The following LTBP4 variants were observed in gnomAD, a reference collection of about 807,000 sequenced individuals.
LTBP4 encodes the protein latent-transforming growth factor beta-binding protein 4.
LTBP4 carries 93 observed loss-of-function variants against 180.2 expected under a neutral mutation model. That is an observed-to-expected ratio of 0.52 (90% CI 0.44 to 0.61). The LOEUF is 0.61. Among genes scored for constraint, LTBP4 ranks in the 20% least tolerant of loss-of-function variants. The probability of loss-of-function intolerance (pLI) is 0.00; values close to 1 mark genes in which losing one functional copy is unlikely to be tolerated. For missense variants in LTBP4, 2,116 were observed against 2,256.5 expected (o/e 0.94, Z 1.26); for synonymous variants, 947 against 934.5 (o/e 1.01, Z -0.24).
intron 1 of LTBP4, among the ~76,000 whole-genome samples, 168 bp from the exon 2 acceptor site, chr19:40,604,867 T>C (rs1475690024): frequency 6.6e-6 from 1 of 152,148 alleles, no homozygotes; most frequent in Non-Finnish European, 1.5e-5. Context: ...GTACCTCTGA[T>C]GGCTGAACAA....
rs1016361441 is a variant in LTBP4, at chr19:40,609,383, A to G, written c.1427-147A>G. 8.9e-6 allele frequency: 9 copies of G among 1,011,770 alleles called. No individual in the cohort carries two copies. Among genetic ancestry groups the G allele is most frequent in the Non-Finnish European group, 1.0e-5 (7 of 688,942 alleles). 62.7% of individuals were successfully genotyped at this position (1,011,770 alleles called of 1,614,324 possible). A position where few individuals can be genotyped will look rare whatever the true frequency, so the allele number is the denominator to read the frequency against. On this transcript the variant is annotated intron_variant, in intron 9 of 29. Transcript: ENST00000396819. The surrounding 1 kb of genome is among the most constrained non-coding windows in gnomAD (Gnocchi z 4.9). The stretch of plus-strand genomic sequence containing the variant: ...ATGAGAACGTTCCAGGATAAAAAAG[A>G]TGGAGATCAGAAGAAGACTGGGCTT...
In LTBP4 at chr19:40,629,251, TCA is replaced by T. The variant is rs35487927; in HGVS notation, c.4520-140_4520-139del. On this transcript the variant is annotated intron_variant, in intron 29 of 29. Coordinates refer to ENST00000396819, the MANE Select transcript of LTBP4 (RefSeq NM_001042545.2). The surrounding 1 kb of genome is among the most constrained non-coding windows in gnomAD (Gnocchi z 4.5). ...GTGAGGTTAAGCCACCTGGCCGGGC[TCA>T]CACAGTTAGCAGATGGCAGAGGCCA... 0.11 allele frequency: 115,438 copies of T among 1,037,328 alleles called. 7,058 individuals carry two copies. The highest frequency in any genetic ancestry group is 0.19 in the South Asian group (13,916 of 72,456). 64.3% of individuals were successfully genotyped at this position (1,037,328 alleles called of 1,614,324 possible).
At chr19:40,627,495 T>C (rs1256254630) in intron 28 of LTBP4, 140 bp downstream of exon 28, 19 of 1,309,234 alleles carry the variant, frequency 1.5e-5, no homozygotes, top group Non-Finnish European at 3.1e-6. Context: ...CAGAGAAGTG[T>C]CTATAGCCCG....
At chr19:40,620,327 C>T (rs2081577850) in intron 22 of LTBP4, among the ~76,000 whole-genome samples, 1 of 151,920 alleles carries the variant, frequency 6.6e-6, no homozygotes, top group South Asian at 2.1e-4. Context: ...CAACCTCCAC[C>T]TCCTGTGCTC....
Position 40,605,314 on chromosome 19 carries a change from A to T in LTBP4, c.442+88A>T. ...CCTCATATTTCCCGCCTTCCCGAGC[A>T]CCTTTGCCCAGCTCGCCCTCCCCGC... is the stretch of plus-strand genomic sequence containing the variant. On this transcript the variant is annotated intron_variant, in intron 2 of 29. Transcript: ENST00000396819. This position sits in a 1 kb window ranked among gnomAD's most constrained non-coding sequence, Gnocchi z 5.5. 1 of 1,571,794 alleles carries T rather than the reference A, an allele frequency of 6.4e-7. No homozygotes were observed.
rs757243802 is a variant in LTBP4, at chr19:40,619,393, G to C, written c.3117G>C (p.Leu1039=). 2 of 1,613,918 alleles carry C rather than the reference G, an allele frequency of 1.2e-6. No homozygotes were observed. The highest frequency in any genetic ancestry group is 1.7e-6 in the Non-Finnish European group (2 of 1,179,868). Residue 1039 remains leucine (L), a synonymous_variant, in exon 22 of 30, where the codon CTG becomes CTC. Coordinates refer to ENST00000396819, the MANE Select transcript of LTBP4 (RefSeq NM_001042545.2). ...TACAGGGTGTATGTGGAGCTGCCCT[G>C]TGTGAAAATGTCGAAGGCTCCTTCC... ...ETLQGVCGAA[L]CENVEGSFLC...
chr19:40,598,271 G>A (rs1030139789), upstream of LTBP4, among the ~76,000 whole-genome samples: 13 of 152,098 alleles, frequency 8.5e-5, no homozygotes, highest in African/African-American at 2.9e-4. Flanking sequence ...AGGGATGACG[G>A]CAAGATCGGG....
chr19:40,625,519 C>G (rs1001789689), intron 26 of LTBP4, among the ~76,000 whole-genome samples: 2 of 151,512 alleles, frequency 1.3e-5, no homozygotes, highest in African/African-American at 4.9e-5. Flanking sequence ...GCACTTACCC[C>G]CATACAGTGA....
At chr19:40,597,466 C>G (rs554856190), upstream of LTBP4, 124 of 1,354,306 alleles carry the variant, frequency 9.2e-5, 1 homozygote, top group South Asian at 1.2e-3. Context: ...AGGGGAAACT[C>G]GAACCCACTG....
At chr19:40,599,941 A>T (rs1322138424), upstream of LTBP4, 3 of 469,556 alleles carry the variant, frequency 6.4e-6, no homozygotes, top group South Asian at 1.9e-4. Flanking sequence ...GGTCCCCATA[A>T]ATAGGTGTTG....
rs368170503 is a variant in LTBP4, at chr19:40,612,067, C to T, written c.2180-6C>T. The T allele has an allele frequency of 5.6e-6, 9 of 1,613,096 alleles. No homozygotes were observed. Among genetic ancestry groups the T allele is most frequent in the Non-Finnish European group, 6.8e-6 (8 of 1,179,642 alleles). Reference sequence around the variant, plus strand: ...CTTCAAGGCCACCCTCTCCCCTGCCCCCCAGATGTGGATGAGTGTGAGAAC... The same window carrying T: ...CTTCAAGGCCACCCTCTCCCCTGCCTCCCAGATGTGGATGAGTGTGAGAAC... On this transcript the variant is annotated splice_polypyrimidine_tract_variant and splice_region_variant and intron_variant, in intron 14 of 29. Transcript: ENST00000396819.
chr19:40,601,636 C>A lies in LTBP4; in HGVS notation c.249C>A (p.Ala83=). 7.3e-7 allele frequency: 1 copy of A among 1,366,342 alleles called. No individual in the cohort carries two copies. Among genetic ancestry groups the A allele is most frequent in the Non-Finnish European group, 9.4e-7 (1 of 1,066,474 alleles). 84.6% of individuals were successfully genotyped at this position (1,366,342 alleles called of 1,614,324 possible). A position where few individuals can be genotyped will look rare whatever the true frequency, so the allele number is the denominator to read the frequency against. The change falls in exon 1 of 30, where the codon GCC becomes GCA. Residue 83 remains alanine, a splice_region_variant and synonymous_variant. Coordinates refer to ENST00000396819, the MANE Select transcript of LTBP4 (RefSeq NM_001042545.2). ...GAAPGGPGFR[A]FLCPLICHNG... ...CCCCGGGGGGACCCGGCTTCCGCGC[C>A]TGTGAGTGCGGGGTGGTGGTCCCGA...
chr19:40,597,515 T>A, upstream of LTBP4: 1 of 1,025,618 alleles, frequency 9.8e-7, no homozygotes, highest in Non-Finnish European at 1.3e-6. Flanking sequence ...TTGGATTTAT[T>A]AGGCGCCCTC....
chr19:40,627,809 C>G lies in LTBP4; in HGVS notation c.4471C>G (p.Arg1491Gly), dbSNP rs778109559. Reference sequence around the variant, plus strand: ...GCGCGTCCCCGAAGGCTTCACCTGCCGTTGCTTCGACGGCTACCGCCTGGA... The same window carrying G: ...GCGCGTCCCCGAAGGCTTCACCTGCGGTTGCTTCGACGGCTACCGCCTGGA... ...CVRVPEGFTC[R>G]CFDGYRLDMT... The change falls in exon 29 of 30, where the codon CGT becomes GGT. Residue 1491 changes from arginine to glycine, a missense_variant. This residue lies in a region of LTBP4 where 488 missense variants were observed against 458.8 expected (regional missense o/e 1.06). Transcript: ENST00000396819. 1.3e-6 allele frequency: 2 copies of G among 1,572,570 alleles called. No individual in the cohort carries two copies. Among genetic ancestry groups the G allele is most frequent in the Non-Finnish European group, 1.7e-6 (2 of 1,164,062 alleles).
Position 40,611,218 on chromosome 19 carries a change from C to G in LTBP4, c.1877C>G (p.Ser626Cys). The G allele has an allele frequency of 6.2e-7, 1 of 1,613,810 alleles. No homozygotes were observed. Among genetic ancestry groups the G allele is most frequent in the Non-Finnish European group, 8.5e-7 (1 of 1,179,816 alleles). ...GRGACKNLPGSFRCVCPAGFR... is the reference protein window; with the variant it reads ...GRGACKNLPGCFRCVCPAGFR... The stretch of plus-strand genomic sequence containing the variant: ...GGGGCCTGCAAGAACCTGCCTGGCT[C>G]TTTCCGCTGTGTTTGCCCGGCTGGC... The change falls in exon 13 of 30, where the codon TCT becomes TGT. Residue 626 changes from serine (S) to cysteine (C), a missense_variant. This residue lies in a region of LTBP4 where 877 missense variants were observed against 873.6 expected (regional missense o/e 1.00). Transcript: ENST00000396819. The surrounding 1 kb of genome is among the most constrained non-coding windows in gnomAD (Gnocchi z 4.4).
chr19:40,614,487 C>A (rs748956210), intron 19 of LTBP4, 41 bp downstream of exon 19: 1 of 1,582,692 alleles, frequency 6.3e-7, no homozygotes, highest in Non-Finnish European at 8.5e-7. Context: ...GCTTGCAACG[C>A]GGTGCTGGAG....
In LTBP4 at chr19:40,622,454, A is replaced by G; in HGVS notation, c.3271A>G (p.Arg1091Gly). ...QAPASPVLPA[R>G]PPPPPLPRRP... ...ACCTGCTAGCCCCGTTCTGCCCGCCAGGCCACCTCCGCCACCCCTGCCCCG... is the reference window on the plus strand; with the variant it reads ...ACCTGCTAGCCCCGTTCTGCCCGCCGGGCCACCTCCGCCACCCCTGCCCCG... The change falls in exon 23 of 30, where the codon AGG becomes GGG. Residue 1091 changes from arginine (R) to glycine (G), a missense_variant. Arg to Gly is a moderately radical substitution (Grantham distance 125, BLOSUM62 -2). Around this residue, in one of 5 missense-constraint regions of LTBP4, gnomAD observed 278 missense variants for 373.0 expected, o/e 0.75. Coordinates refer to ENST00000396819, the MANE Select transcript of LTBP4 (RefSeq NM_001042545.2). The surrounding 1 kb of genome is among the most constrained non-coding windows in gnomAD (Gnocchi z 5.1). 6.3e-7 allele frequency: 1 copy of G among 1,599,536 alleles called. No homozygotes were observed. Among genetic ancestry groups the G allele is most frequent in the Non-Finnish European group, 8.5e-7 (1 of 1,171,920 alleles).
chr19:40,627,997 T>A, intron 29 of LTBP4, 140 bp downstream of exon 29: 1 of 1,209,878 alleles, frequency 8.3e-7, no homozygotes, highest in Non-Finnish European at 1.1e-6. Context: ...AAGGGAGGAG[T>A]AATTCTTCCA....
Position 40,614,349 on chromosome 19 carries a change from G to A in LTBP4, c.2715G>A (p.Leu905=). 6.2e-7 allele frequency: 1 copy of A among 1,600,352 alleles called. No homozygotes were observed. Among genetic ancestry groups the A allele is most frequent in the Non-Finnish European group, 8.5e-7 (1 of 1,179,774 alleles). ...AATGTCGCGAGCGAGGCCCAGCCCT[G>A]TGCGGGTCGCAGCGCTGTGAGAACT... ...VDECRERGPA[L]CGSQRCENSP... The change falls in exon 19 of 30, where the codon CTG becomes CTA. Residue 905 remains leucine, a synonymous_variant. Transcript: ENST00000396819.
Sources: allele counts gnomAD v4.1 joint callset (sites outside exome capture counted in the v4.1 genomes callset), GRCh38; gene constraint gnomAD v4.1.1; regional missense constraint gnomAD v4.1.1; non-coding constraint Gnocchi (gnomAD v3.1); transcripts MANE v1.5; gene names NCBI Gene and HGNC (gene_info 2026-07-23, HGNC 2026-07-21).